The following IGSF9B variants were observed in gnomAD, a reference collection of about 807,000 sequenced individuals.
The protein encoded by IGSF9B is protein turtle homolog B.
IGSF9B carries 48 observed loss-of-function variants against 143.7 expected under a neutral mutation model. The observed-to-expected ratio is 0.33, with a 90% CI of 0.26 to 0.42. The LOEUF (loss-of-function observed/expected upper bound fraction) is 0.42, where lower values mean the gene tolerates loss of function less well. IGSF9B is among the 20% of genes least tolerant of loss of function. The probability of loss-of-function intolerance (pLI) is 1.00; values close to 1 mark genes in which losing one functional copy is unlikely to be tolerated. For synonymous variants in IGSF9B, 903 were observed against 833.1 expected (o/e 1.08, Z -1.44); for missense variants, 1,706 against 1,980.0 (o/e 0.86, Z 2.63).
chr11:133,950,805 G>A (rs1474512362), intron 1 of IGSF9B, among the ~76,000 whole-genome samples: 1 of 152,118 alleles, frequency 6.6e-6, no homozygotes, highest in Non-Finnish European at 1.5e-5. Context: ...TGGTGGCTGG[G>A]GAAGCGGGGA....
At chr11:133,940,911 C>T (rs551418210) in intron 3 of IGSF9B, among the ~76,000 whole-genome samples, 18 of 152,376 alleles carry the variant, frequency 1.2e-4, no homozygotes, top group African/African-American at 3.6e-4. Context: ...CAGGCCTCTT[C>T]TCACTGAGAG....
Position 133,920,856 on chromosome 11 carries a change from C to A in IGSF9B, c.2869G>T (p.Ala957Ser). The A allele has an allele frequency of 6.2e-7, 1 of 1,600,940 alleles. No homozygotes were observed. The change falls in exon 18 of 20, where the codon GCC (alanine) becomes TCC (serine). Residue 957 changes from alanine to serine, a missense_variant. Ala to Ser is a moderately conservative substitution (Grantham distance 99, BLOSUM62 1). This residue lies in a region of IGSF9B where 880 missense variants were observed against 762.9 expected (regional missense o/e 1.15). Coordinates refer to ENST00000533871, the MANE Select transcript of IGSF9B (RefSeq NM_001277285.4). ...LQATGQARPP[A>S]PRPFHHGQYY... ...TGGCCATGGTGGAAGGGCCGGGGGG[C>A]AGGGGGCCGGGCCTGGCCTGTGGCC... is the stretch of plus-strand genomic sequence containing the variant.
intron 3 of IGSF9B, among the ~76,000 whole-genome samples, chr11:133,942,461 AAC>A (rs908259600): frequency 6.6e-6 from 1 of 152,190 alleles, no homozygotes; most frequent in African/African-American, 2.4e-5. Context: ...CGTGCAAACT[AAC>A]ACAGATACGC....
chr11:133,921,025 C>T lies in IGSF9B; in HGVS notation c.2700G>A (p.Leu900=), dbSNP rs1483623752. ...TCAGGGCGGCCACAGATGTGGGCAC[C>T]AGTGGGTCCTCGTTCTCCTCGTCCG... is the stretch of plus-strand genomic sequence containing the variant. ...RQSDEENEDP[L]VPTSVAALKS... The change falls in exon 18 of 20, where the codon CTG becomes CTA. Residue 900 remains leucine, a synonymous_variant. Transcript: ENST00000533871. 14 of 1,613,352 alleles carry T rather than the reference C, an allele frequency of 8.7e-6. No individual in the cohort carries two copies. The highest frequency in any genetic ancestry group is 6.7e-5 in the East Asian group (3 of 44,864).
chr11:133,951,501 T>A (rs1331424379), intron 1 of IGSF9B, among the ~76,000 whole-genome samples: 1 of 152,256 alleles, frequency 6.6e-6, no homozygotes, highest in Non-Finnish European at 1.5e-5. Flanking sequence ...GCCCTGAGCC[T>A]TCTCGGCTGG....
At chr11:133,949,685 G>A (rs1940123715) in intron 1 of IGSF9B, among the ~76,000 whole-genome samples, 1 of 151,844 alleles carries the variant, frequency 6.6e-6, no homozygotes, top group Non-Finnish European at 1.5e-5. Context: ...ACACCCCAGA[G>A]CCTGGGTGGG....
In IGSF9B at chr11:133,953,495, G is replaced by T. The variant is rs2121353215; in HGVS notation, c.64+3196C>A. On this transcript the variant is annotated intron_variant, in intron 1 of 19. Coordinates refer to ENST00000533871, the MANE Select transcript of IGSF9B (RefSeq NM_001277285.4). This position sits in a 1 kb window ranked among gnomAD's most constrained non-coding sequence, Gnocchi z 4.2. Reference sequence around the variant, plus strand: ...TCTCAGCCGATAGGCTCACCACGGGGTCTTGATAGCAACCTCTGAGTCCAA... The same window carrying T: ...TCTCAGCCGATAGGCTCACCACGGGTTCTTGATAGCAACCTCTGAGTCCAA... Among the ~76,000 whole-genome samples, 1 of 152,314 alleles carries T rather than the reference G, an allele frequency of 6.6e-6. No individual in the cohort carries two copies. Among genetic ancestry groups the T allele is most frequent in the African/African-American group, 2.4e-5 (1 of 41,568 alleles).
intron 18 of IGSF9B, chr11:133,912,221 C>T (rs773223945): frequency 2.8e-5 from 19 of 686,228 alleles, no homozygotes; most frequent in Middle Eastern, 2.3e-4. Context: ...TGGCCCACCT[C>T]GGATGGAAAC....
chr11:133,924,705 G>T (rs3737491), intron 15 of IGSF9B, 115 bp downstream of exon 15: 350,085 of 841,446 alleles, frequency 0.42, 76,951 homozygotes, highest in East Asian at 0.64. Context: ...ACCAGGCACT[G>T]CCTTAGTTTC....
At chr11:133,923,372 T>A (rs1939575382) in intron 15 of IGSF9B, among the ~76,000 whole-genome samples, 1 of 152,228 alleles carries the variant, frequency 6.6e-6, no homozygotes, top group Non-Finnish European at 1.5e-5. Context: ...CGCATCCTGG[T>A]CATCTCAGGT....
chr11:133,906,223 CCACATGCTCACAACCACGCTGTCA>C lies in IGSF9B; in HGVS notation c.*2822_*2845del, dbSNP rs1939208762. ...CTAGAGGTGGTTACACCCCCATCAC[CCACATGCTCACAACCACGCTGTCA>C]CACATGCCCACACCCAGCACCTAAA... On this transcript the variant is annotated 3_prime_UTR_variant, in exon 20 of 20. Transcript: ENST00000533871. 1.3e-5 allele frequency among the ~76,000 whole-genome samples: 2 copies of C among 152,234 alleles called. No homozygotes were observed. The highest frequency in any genetic ancestry group is 2.9e-5 in the Non-Finnish European group (2 of 68,052).
intron 18 of IGSF9B, among the ~76,000 whole-genome samples, chr11:133,918,497 G>A (rs1313362210): frequency 6.6e-6 from 1 of 152,154 alleles, no homozygotes; most frequent in African/African-American, 2.4e-5. Context: ...ACAAAGCACA[G>A]AGACAGGGCG....
In IGSF9B at chr11:133,931,592, C is replaced by T; in HGVS notation, c.1252-23G>A. 1 of 1,611,032 alleles carries T rather than the reference C, an allele frequency of 6.2e-7. No individual in the cohort carries two copies. Among genetic ancestry groups the T allele is most frequent in the South Asian group, 1.1e-5 (1 of 90,922 alleles). On this transcript the variant is annotated intron_variant, in intron 9 of 19. Coordinates refer to ENST00000533871, the MANE Select transcript of IGSF9B (RefSeq NM_001277285.4). This position sits in a 1 kb window ranked among gnomAD's most constrained non-coding sequence, Gnocchi z 7.7. ...GTCCTGGGGAGGAAAGCACAGGCAC[C>T]CTCGTGAGGCCGGGGATCCAGGTGC...
chr11:133,919,322 GGGGAAGAAAAGGA>G (rs1565420507), intron 18 of IGSF9B, among the ~76,000 whole-genome samples: 1 of 152,144 alleles, frequency 6.6e-6, no homozygotes, highest in Non-Finnish European at 1.5e-5. Context: ...AGCAGGGGCC[GGGGAAGAAAAGGA>G]GGCTAGACAC....
At chr11:133,942,811 C>T (rs887774434) in intron 3 of IGSF9B, among the ~76,000 whole-genome samples, 10 of 152,174 alleles carry the variant, frequency 6.6e-5, no homozygotes, top group Admixed American at 6.5e-4. Context: ...TCAGAACAAT[C>T]CCCCCAAGAT....
Position 133,913,057 on chromosome 11 carries a change from C to T in IGSF9B, c.3984-1050G>A, listed in dbSNP as rs1230850110. Among the ~76,000 whole-genome samples, 4 of 152,198 alleles carry T rather than the reference C, an allele frequency of 2.6e-5. No homozygotes were observed. Among genetic ancestry groups the T allele is most frequent in the Non-Finnish European group, 5.9e-5 (4 of 68,038 alleles). On this transcript the variant is annotated intron_variant, in intron 18 of 19. Transcript: ENST00000533871. The surrounding 1 kb of genome is among the most constrained non-coding windows in gnomAD (Gnocchi z 4.6). ...GCCATTTCTTCTCAAAGTAACCCAA[C>T]TCGGAGCCTGAGGAATGAAGGGGAA...
chr11:133,915,653 T>G (rs1262352819), intron 18 of IGSF9B, among the ~76,000 whole-genome samples: 1 of 152,200 alleles, frequency 6.6e-6, no homozygotes, highest in Admixed American at 6.5e-5. Context: ...TGAGGAAAGA[T>G]GCAGCCAGGT....
Position 133,938,061 on chromosome 11 carries a change from C to T in IGSF9B, c.410-100G>A, listed in dbSNP as rs377715460. 1.2e-5 allele frequency: 16 copies of T among 1,318,928 alleles called. No homozygotes were observed. In the African/African-American group the frequency reaches 1.3e-4, roughly 11 times the overall value. 81.7% of individuals were successfully genotyped at this position (1,318,928 alleles called of 1,614,324 possible). On this transcript the variant is annotated intron_variant, in intron 3 of 19. Transcript: ENST00000533871. ...ACACATCACCCTCGCTGCGGCTCTG[C>T]GGAATGCAAGGACAAAGGAAGGAAG...
At chr11:133,914,963 T>C (rs1205514859) in intron 18 of IGSF9B, among the ~76,000 whole-genome samples, 1 of 151,954 alleles carries the variant, frequency 6.6e-6, no homozygotes, top group Non-Finnish European at 1.5e-5. Context: ...GGTGGGAAGC[T>C]TCAGTGAAGC....
Sources: allele counts gnomAD v4.1 joint callset (sites outside exome capture counted in the v4.1 genomes callset), GRCh38; gene constraint gnomAD v4.1.1; regional missense constraint gnomAD v4.1.1; non-coding constraint Gnocchi (gnomAD v3.1); transcripts MANE v1.5; gene names NCBI Gene and HGNC (gene_info 2026-07-23, HGNC 2026-07-21).